FHIT: variants seen among roughly 807,000 people sequenced by gnomAD.
FHIT encodes the protein fragile histidine triad diadenosine triphosphatase, also known as bis(5'-adenosyl)-triphosphatase.
In FHIT, 19 loss-of-function variants were observed where a neutral mutation model predicts 17.9. That is an observed-to-expected ratio of 1.06 (90% CI 0.74 to 1.56). The LOEUF (loss-of-function observed/expected upper bound fraction) is 1.56. FHIT is among the 40% of genes most tolerant of loss of function. The pLI is 0.00. For missense variants in FHIT, 248 were observed against 189.2 expected (o/e 1.31, Z -1.82); for synonymous variants, 81 against 69.7 (o/e 1.16, Z -0.81).
chr3:60,375,114 A>T (rs1700496749), intron 5 of FHIT, among the ~76,000 whole-genome samples: 1 of 151,918 alleles, frequency 6.6e-6, no homozygotes, highest in South Asian at 2.1e-4. Context: ...GAAAAAAAAA[A>T]AACAAAAACA....
chr3:59,881,023 GA>G (rs924653263), intron 8 of FHIT, among the ~76,000 whole-genome samples: 111 of 150,694 alleles, frequency 7.4e-4, no homozygotes, highest in East Asian at 4.7e-3. Flanking sequence ...GAAAGTGAAA[GA>G]AAAAAAAATA....
chr3:59,948,726 G>A (rs1043111135), intron 7 of FHIT, among the ~76,000 whole-genome samples: 1 of 151,962 alleles, frequency 6.6e-6, no homozygotes, highest in Non-Finnish European at 1.5e-5. Flanking sequence ...GGCTGGTGAC[G>A]TTGAGTATCT....
intron 3 of FHIT, among the ~76,000 whole-genome samples, chr3:60,832,067 A>C (rs180858398): frequency 1.6e-4 from 24 of 152,258 alleles, no homozygotes; most frequent in African/African-American, 5.8e-4. Context: ...CTTAGCCCCA[A>C]GTAATAATAA....
intron 3 of FHIT, among the ~76,000 whole-genome samples, chr3:60,841,965 A>G (rs1460166415): frequency 6.6e-6 from 1 of 152,186 alleles, no homozygotes; most frequent in Non-Finnish European, 1.5e-5. Context: ...GGATGGGCTG[A>G]GGCCTTTAGA....
At chr3:60,446,899 T>TAATAAA (rs1448508757) in intron 5 of FHIT, among the ~76,000 whole-genome samples, 27 of 142,734 alleles carry the variant, frequency 1.9e-4, no homozygotes, top group Admixed American at 4.3e-4. Flanking sequence ...ATAATAATAA[T>TAATAAA]AAAAAGCCTT....
At chr3:60,259,163 T>C (rs1706169786) in intron 5 of FHIT, among the ~76,000 whole-genome samples, 1 of 152,098 alleles carries the variant, frequency 6.6e-6, no homozygotes, top group Admixed American at 6.6e-5. Flanking sequence ...TAGGAATCTC[T>C]GCAGCAGGCC....
rs1480758328 is a variant in FHIT at position 59,749,252 on chromosome 3, G to C, written c.*333C>G. 4.3e-6 allele frequency: 1 copy of C among 230,816 alleles called. No individual in the cohort carries two copies. The highest frequency in any genetic ancestry group is 2.2e-5 in the African/African-American group (1 of 45,270). 14.3% of individuals were successfully genotyped at this position (230,816 alleles called of 1,614,324 possible). On this transcript the variant is annotated 3_prime_UTR_variant, in exon 10 of 10. Transcript: ENST00000492590. ...TTGAATTTCCTTTAAAAAAGTAACTGTAACTGTAATAGGTTTGTTGCCTAA... is the reference window on the plus strand; with the variant it reads ...TTGAATTTCCTTTAAAAAAGTAACTCTAACTGTAATAGGTTTGTTGCCTAA...
intron 8 of FHIT, among the ~76,000 whole-genome samples, chr3:59,890,219 A>T (rs1384354883): frequency 6.6e-6 from 1 of 151,786 alleles, no homozygotes; most frequent in African/African-American, 2.4e-5. Context: ...GCCTCTTTTG[A>T]TCTAAGCAGA....
At chr3:60,553,919 C>G (rs1247467046) in intron 4 of FHIT, among the ~76,000 whole-genome samples, 1 of 151,984 alleles carries the variant, frequency 6.6e-6, no homozygotes, top group Non-Finnish European at 1.5e-5. Flanking sequence ...AACCCTGTCT[C>G]TACTAAAAAT....
chr3:59,935,237 T>C (rs566906129), intron 7 of FHIT, among the ~76,000 whole-genome samples: 16 of 152,194 alleles, frequency 1.1e-4, no homozygotes, highest in Non-Finnish European at 1.8e-4. Context: ...TTTTAGGAGA[T>C]ACAGAGGATG....
At chr3:61,080,919 G>GTT (rs1423534571) in intron 2 of FHIT, among the ~76,000 whole-genome samples, 2 of 152,092 alleles carry the variant, frequency 1.3e-5, no homozygotes, top group Non-Finnish European at 2.9e-5. Flanking sequence ...AGGTCAGCTT[G>GTT]TCAAAGGATC....
At chr3:60,272,307 T>C (rs1165661712) in intron 5 of FHIT, among the ~76,000 whole-genome samples, 1 of 152,134 alleles carries the variant, frequency 6.6e-6, no homozygotes, top group Non-Finnish European at 1.5e-5. Context: ...AACACAACTC[T>C]TAGCTAGGAT....
chr3:61,215,898 G>T (rs2039658838), intron 1 of FHIT, among the ~76,000 whole-genome samples: 1 of 152,212 alleles, frequency 6.6e-6, no homozygotes, highest in Non-Finnish European at 1.5e-5. Flanking sequence ...ATGGGGAAAG[G>T]ATTCCCTATT....
intron 3 of FHIT, among the ~76,000 whole-genome samples, chr3:61,012,320 A>G (rs891412506): frequency 2.0e-5 from 3 of 152,176 alleles, no homozygotes; most frequent in African/African-American, 7.2e-5. Context: ...GTGACTGAGC[A>G]ACAAATTCTT....
chr3:60,261,855 T>C (rs1038193525), intron 5 of FHIT, among the ~76,000 whole-genome samples: 2 of 151,978 alleles, frequency 1.3e-5, no homozygotes, highest in Admixed American at 6.6e-5. Context: ...TCTCTCACTG[T>C]ACCTGGAGAA....
intron 4 of FHIT, among the ~76,000 whole-genome samples, chr3:60,779,437 T>C (rs1381311653): frequency 1.3e-5 from 2 of 152,112 alleles, no homozygotes; most frequent in Admixed American, 1.3e-4. Flanking sequence ...CTGCAAACCC[T>C]GCCAGGTGAT....
intron 8 of FHIT, among the ~76,000 whole-genome samples, chr3:59,799,480 TGAGAAGTAGAG>T (rs1699909813): frequency 6.6e-6 from 1 of 152,062 alleles, no homozygotes. Flanking sequence ...ATTTTGTTCA[TGAGAAGTAGAG>T]GAAAAGGGGA....
At chr3:60,385,992 GCTGA>G (rs1700995720) in intron 5 of FHIT, among the ~76,000 whole-genome samples, 1 of 152,152 alleles carries the variant, frequency 6.6e-6, no homozygotes, top group Non-Finnish European at 1.5e-5. Flanking sequence ...ACTCTTTAGA[GCTGA>G]CTATGTAGCA....
intron 8 of FHIT, among the ~76,000 whole-genome samples, chr3:59,822,572 ATAT>A (rs1305965101): frequency 6.6e-6 from 1 of 151,930 alleles, no homozygotes; most frequent in Non-Finnish European, 1.5e-5. Flanking sequence ...ATTTTTTCAT[ATAT>A]TTTTTGACCA....
Sources: gnomAD v4.1 joint callset for allele counts (sites outside exome capture counted in the v4.1 genomes callset) on GRCh38, gnomAD v4.1.1 for gene constraint, MANE v1.5 for transcripts, NCBI Gene and HGNC (gene_info 2026-07-23, HGNC 2026-07-21) for gene names.